Variants in AGBL4 observed in about 807,000 individuals in gnomAD.
The protein encoded by AGBL4 is cytosolic carboxypeptidase 6.
In AGBL4, 58 loss-of-function variants were observed where a neutral mutation model predicts 66.4. The ratio of observed to expected loss-of-function variants is 0.87; its 90% confidence interval spans 0.71 to 1.09. The LOEUF (loss-of-function observed/expected upper bound fraction) is 1.09, where lower values mean the gene tolerates loss of function less well. Ranked by LOEUF, AGBL4 falls within the 50% of genes least tolerant of loss-of-function variation. The probability of loss-of-function intolerance (pLI) is 0.00; values close to 1 mark genes in which losing one functional copy is unlikely to be tolerated. For synonymous variants in AGBL4, 234 were observed against 222.9 expected, an observed-to-expected ratio of 1.05 and a Z score of -0.44; for missense variants, 579 against 631.0, an observed-to-expected ratio of 0.92 and a Z score of 0.88.
intron 6 of AGBL4, among the ~76,000 whole-genome samples, chr1:48,841,870 CA>C (rs1646813790): frequency 6.6e-6 from 1 of 152,062 alleles, no homozygotes; most frequent in African/African-American, 2.4e-5. Flanking sequence ...TCCATCATGA[CA>C]AATAAATGTG....
chr1:49,778,818 T>C (rs1644264846), intron 2 of AGBL4, among the ~76,000 whole-genome samples: 1 of 152,012 alleles, frequency 6.6e-6, no homozygotes, highest in African/African-American at 2.4e-5. Context: ...AGGGGGGAAG[T>C]TGGGAGGGAG....
intron 6 of AGBL4, among the ~76,000 whole-genome samples, chr1:48,764,144 G>A (rs1425855052): frequency 6.6e-6 from 1 of 152,240 alleles, no homozygotes; most frequent in Non-Finnish European, 1.5e-5. Flanking sequence ...GAATAAGGGA[G>A]AAGTAACTGC....
intron 3 of AGBL4, among the ~76,000 whole-genome samples, chr1:49,589,152 G>A (rs1286908064): frequency 3.3e-5 from 5 of 152,148 alleles, no homozygotes; most frequent in African/African-American, 9.6e-5. Context: ...TATAAGCTGA[G>A]TTGAACTAGA....
intron 5 of AGBL4, among the ~76,000 whole-genome samples, chr1:48,967,047 GACACACACACACACATACACAAAGAC>G (rs1658495025): frequency 1.6e-5 from 2 of 125,122 alleles, no homozygotes; most frequent in African/African-American, 5.7e-5. Flanking sequence ...CACACACACA[GACACACACACACACATACACAAAGAC>G]ACACACACAC....
chr1:49,138,746 A>G (rs1245699002), intron 4 of AGBL4, among the ~76,000 whole-genome samples: 2 of 152,124 alleles, frequency 1.3e-5, no homozygotes, highest in Admixed American at 6.6e-5. Context: ...TGGTTTCTCA[A>G]ATATACCCAG....
At chr1:49,304,077 G>C (rs964672732) in intron 3 of AGBL4, among the ~76,000 whole-genome samples, 5 of 152,148 alleles carry the variant, frequency 3.3e-5, no homozygotes, top group Non-Finnish European at 7.3e-5. Flanking sequence ...GCATGGTATT[G>C]CCTAGATTTT....
intron 2 of AGBL4, among the ~76,000 whole-genome samples, chr1:49,810,053 T>C (rs1456047031): frequency 6.6e-6 from 1 of 152,220 alleles, no homozygotes; most frequent in Admixed American, 6.6e-5. Context: ...AATATAAACC[T>C]ATTTTGTTCC....
intron 1 of AGBL4, among the ~76,000 whole-genome samples, chr1:49,947,085 A>G (rs1025521224): frequency 5.3e-5 from 8 of 151,992 alleles, no homozygotes; most frequent in Middle Eastern, 3.4e-3. Flanking sequence ...TCAAGACCAG[A>G]CGGATTCACA....
intron 3 of AGBL4, among the ~76,000 whole-genome samples, chr1:49,290,840 AT>A (rs1418120588): frequency 2.0e-5 from 3 of 152,204 alleles, no homozygotes; most frequent in African/African-American, 7.2e-5. Flanking sequence ...TTTACAAAAA[AT>A]ATAAATTAAT....
At chr1:49,693,932 T>G (rs1646935056) in intron 3 of AGBL4, among the ~76,000 whole-genome samples, 1 of 152,150 alleles carries the variant, frequency 6.6e-6, no homozygotes, top group Non-Finnish European at 1.5e-5. Flanking sequence ...ACATTTAGTT[T>G]TCATTGATTC....
intron 1 of AGBL4, among the ~76,000 whole-genome samples, chr1:49,891,774 T>A (rs1433676217): frequency 6.6e-6 from 1 of 152,178 alleles, no homozygotes; most frequent in Non-Finnish European, 1.5e-5. Flanking sequence ...GAGTTAACAA[T>A]GCAGACTCTC....
chr1:48,673,081 C>T (rs1448815817), intron 6 of AGBL4, among the ~76,000 whole-genome samples: 1 of 152,150 alleles, frequency 6.6e-6, no homozygotes, highest in Non-Finnish European at 1.5e-5. Flanking sequence ...TTTCTTTTGA[C>T]ATTCCCAAGG....
At chr1:49,145,007 C>G (rs1334149831) in intron 4 of AGBL4, among the ~76,000 whole-genome samples, 1 of 152,058 alleles carries the variant, frequency 6.6e-6, no homozygotes, top group Non-Finnish European at 1.5e-5. Flanking sequence ...GTAAGAAAGA[C>G]AGGATGGGGT....
chr1:48,875,970 C>T (rs756825844), intron 5 of AGBL4, among the ~76,000 whole-genome samples: 4 of 152,076 alleles, frequency 2.6e-5, no homozygotes, highest in Admixed American at 6.6e-5. Context: ...TTGGCTTATT[C>T]GCAGGTTTAT....
intron 4 of AGBL4, among the ~76,000 whole-genome samples, chr1:49,137,228 G>T (rs565180575): frequency 2.0e-5 from 3 of 152,112 alleles, no homozygotes; most frequent in Non-Finnish European, 2.9e-5. Flanking sequence ...AGCAGCAAAA[G>T]AATTTGAACC....
At chr1:49,200,898 G>A (rs1191973412) in intron 4 of AGBL4, among the ~76,000 whole-genome samples, 2 of 152,086 alleles carry the variant, frequency 1.3e-5, no homozygotes, top group South Asian at 2.1e-4. Flanking sequence ...GTTGGGGGGT[G>A]GGGTTAAAAA....
At chr1:48,571,955 A>G (rs978137410) in intron 11 of AGBL4, among the ~76,000 whole-genome samples, 2 of 152,220 alleles carry the variant, frequency 1.3e-5, no homozygotes, top group Non-Finnish European at 2.9e-5. Context: ...AGTGACAGAC[A>G]GTGAACCCCA....
chr1:48,581,886 C>T (rs1042072582), intron 11 of AGBL4, among the ~76,000 whole-genome samples: 1 of 152,164 alleles, frequency 6.6e-6, no homozygotes, highest in Non-Finnish European at 1.5e-5. Context: ...AGAACTCACA[C>T]CTAGGACTCT....
chr1:49,745,379 A>G (rs1229527451), intron 2 of AGBL4, among the ~76,000 whole-genome samples: 1 of 152,002 alleles, frequency 6.6e-6, no homozygotes, highest in Non-Finnish European at 1.5e-5. Flanking sequence ...TTATATTATT[A>G]CAATTATTCT....
Sources: allele counts gnomAD v4.1 joint callset (sites outside exome capture counted in the v4.1 genomes callset), GRCh38; gene constraint gnomAD v4.1.1; transcripts MANE v1.5; gene names NCBI Gene and HGNC (gene_info 2026-07-23, HGNC 2026-07-21).